MS4A6A: variants seen among roughly 807,000 people sequenced by gnomAD.
The protein encoded by MS4A6A is membrane spanning 4-domains A6A.
MS4A6A carries 19 observed loss-of-function variants against 20.6 expected under a neutral mutation model. The ratio of observed to expected loss-of-function variants is 0.92; its 90% confidence interval spans 0.64 to 1.36. The LOEUF (loss-of-function observed/expected upper bound fraction) is 1.36, where lower values mean the gene tolerates loss of function less well. Among genes scored for constraint, MS4A6A ranks in the 40% most tolerant of loss-of-function variants. The pLI, the probability that MS4A6A is intolerant of heterozygous loss-of-function variation, is 0.00. For missense variants in MS4A6A, 272 were observed against 261.1 expected (o/e 1.04, Z -0.29); for synonymous variants, 108 against 105.0 (o/e 1.03, Z -0.17).
In MS4A6A at chr11:60,172,845, C is replaced by CT; in HGVS notation, c.*155dup. On this transcript the variant is annotated 3_prime_UTR_variant, in exon 6 of 6. Transcript: ENST00000528851. ...ATTTTCATATCCAGTGAATTTTCAG[C>CT]TTATCAGCTACTCAATTGCCATCTG... is the stretch of plus-strand genomic sequence containing the variant. 1 of 1,436,800 alleles carries CT rather than the reference C, an allele frequency of 7.0e-7. No homozygotes were observed. The highest frequency in any genetic ancestry group is 9.2e-7 in the Non-Finnish European group (1 of 1,092,792). 89.0% of individuals were successfully genotyped at this position (1,436,800 alleles called of 1,614,324 possible).
At chr11:60,181,332 T>A (rs113455872) in intron 2 of MS4A6A, 30 of 533,990 alleles carry the variant, frequency 5.6e-5, no homozygotes, top group African/African-American at 4.9e-4. Flanking sequence ...AAAAGCACTG[T>A]ATTGTAAAAA....
chr11:60,184,149 G>A (rs992763323), upstream of MS4A6A: 1 of 152,236 alleles, frequency 6.6e-6, no homozygotes, highest in African/African-American at 2.4e-5. Flanking sequence ...TTGAAGAAAG[G>A]AGTTAAGAAG....
At chr11:60,174,897 T>C (rs905784647) in intron 5 of MS4A6A, among the ~76,000 whole-genome samples, 15 of 151,530 alleles carry the variant, frequency 9.9e-5, no homozygotes, top group Admixed American at 8.0e-4. Flanking sequence ...TTATTCATTA[T>C]TGTGATCATT....
chr11:60,181,387 G>C, intron 2 of MS4A6A, 194 bp downstream of exon 2: 2 of 610,930 alleles, frequency 3.3e-6, no homozygotes, highest in Non-Finnish European at 5.7e-6. Context: ...TTCAGAATAA[G>C]GGAAAATATA....
At chr11:60,177,121 C>CATCATCATAGAAAGTTACATTTCATTTCT (rs1160974300) in intron 4 of MS4A6A, 15 of 152,146 alleles carry the variant, frequency 9.9e-5, no homozygotes, top group Admixed American at 4.6e-4. Context: ...AGTGCATTTC[C>CATCATCATAGAAAGTTACATTTCATTTCT]ATCATCATAG....
At chr11:60,172,296 G>A (rs370551786), downstream of MS4A6A, 2 of 1,605,898 alleles carry the variant, frequency 1.2e-6, no homozygotes, top group African/African-American at 2.7e-5. Flanking sequence ...CTTCAATCAG[G>A]TTCAAGATAG....
intron 2 of MS4A6A, chr11:60,181,089 T>C (rs985863421): frequency 4.4e-6 from 2 of 452,674 alleles, no homozygotes; most frequent in African/African-American, 4.0e-5. Flanking sequence ...GCTTCTTTAA[T>C]AAATTCTGGG....
At chr11:60,177,098 A>G (rs924270876) in intron 4 of MS4A6A, 2 of 152,214 alleles carry the variant, frequency 1.3e-5, no homozygotes, top group Non-Finnish European at 2.9e-5. Flanking sequence ...GCCATATTGT[A>G]CAGTACAGCT....
intron 5 of MS4A6A, 65 bp from the exon 6 acceptor site, chr11:60,173,194 G>A (rs771286471): frequency 1.1e-4 from 160 of 1,429,996 alleles, no homozygotes; most frequent in Middle Eastern, 3.5e-4. Flanking sequence ...GCCTAGTTGA[G>A]AGGTGACCAT....
chr11:60,179,423 C>T, intron 3 of MS4A6A: 1 of 480,838 alleles, frequency 2.1e-6, no homozygotes, highest in Non-Finnish European at 3.7e-6. Context: ...CCTCCATGAT[C>T]CCCACAAGCA....
chr11:60,173,243 A>C, intron 5 of MS4A6A, 114 bp from the exon 6 acceptor site: 2 of 895,120 alleles, frequency 2.2e-6, no homozygotes, highest in Non-Finnish European at 1.8e-6. Flanking sequence ...GAATGAAGAA[A>C]GGACACCATC....
Position 60,173,004 on chromosome 11 carries a change from A to G in MS4A6A, c.675T>C (p.Thr225=). ...FPGVSVLAGF[T] is the part of the protein sequence containing the mutation. ...GGATAAGATACACTAGGCAAGGTTA[A>G]GTGAAGCCGGCCAGCACACTCACCC... is the stretch of plus-strand genomic sequence containing the variant. Residue 225 remains threonine, a synonymous_variant, in exon 6 of 6, where the codon ACT becomes ACC. Transcript: ENST00000528851. 1.2e-6 allele frequency: 2 copies of G among 1,614,012 alleles called. No homozygotes were observed. The highest frequency in any genetic ancestry group is 1.7e-6 in the Non-Finnish European group (2 of 1,179,908).
intron 1 of MS4A6A, chr11:60,182,377 T>C (rs1857177093): frequency 6.6e-6 from 1 of 152,360 alleles, no homozygotes; most frequent in African/African-American, 2.4e-5. Flanking sequence ...GTTACCCTTA[T>C]TGTTCACCCT....
At chr11:60,177,012 T>C (rs1856875755) in intron 4 of MS4A6A, 1 of 152,206 alleles carries the variant, frequency 6.6e-6, no homozygotes, top group South Asian at 2.1e-4. Context: ...ATAGACTATC[T>C]ATATTTAAAG....
chr11:60,178,004 G>A (rs1159863741), intron 4 of MS4A6A: 1 of 450,066 alleles, frequency 2.2e-6, no homozygotes, highest in East Asian at 4.1e-5. Flanking sequence ...CAATTTCTCT[G>A]TGATACATTC....
chr11:60,171,953 T>C, downstream of MS4A6A: 1 of 446,182 alleles, frequency 2.2e-6, no homozygotes, highest in Non-Finnish European at 4.0e-6. Flanking sequence ...TACAGCCCCG[T>C]GCTTTTGCTG....
chr11:60,179,985 G>T lies in MS4A6A; in HGVS notation c.148-20C>A. On this transcript the variant is annotated intron_variant, in intron 2 of 5. Coordinates refer to ENST00000528851, the MANE Select transcript of MS4A6A (RefSeq NM_022349.4). ...GATAGTCTGTGGGAAGAGAAAGTGA[G>T]ATTGAGGATGAAAACCAGCATTTGT... The T allele has an allele frequency of 6.2e-7, 1 of 1,608,250 alleles. No homozygotes were observed.
intron 2 of MS4A6A, chr11:60,181,040 G>A: frequency 2.2e-6 from 1 of 453,940 alleles, no homozygotes; most frequent in South Asian, 1.6e-5. Context: ...CCCAATCCAA[G>A]ATAGATCCCT....
downstream of MS4A6A, chr11:60,172,495 G>A: frequency 8.2e-7 from 1 of 1,213,584 alleles, no homozygotes; most frequent in Non-Finnish European, 1.0e-6. Flanking sequence ...AGTCCATAGG[G>A]GTTTGATTCA....
Sources: gnomAD v4.1 joint callset for allele counts (sites outside exome capture counted in the v4.1 genomes callset) on GRCh38, gnomAD v4.1.1 for gene constraint, MANE v1.5 for transcripts, NCBI Gene and HGNC (gene_info 2026-07-23, HGNC 2026-07-21) for gene names.